KDM2B: variants seen among roughly 807,000 people sequenced by gnomAD.
KDM2B encodes lysine-specific demethylase 2B.
Under a neutral mutation model 150.0 loss-of-function variants are expected in KDM2B, and 26 were observed. The observed-to-expected ratio is 0.17, with a 90% CI of 0.13 to 0.24. KDM2B has a LOEUF of 0.24. KDM2B is among the 10% of genes least tolerant of loss of function. The pLI is 1.00. For synonymous variants in KDM2B, 734 were observed against 729.5 expected (o/e 1.01, Z -0.10); for missense variants, 1,265 against 1,816.9 (o/e 0.70, Z 5.52).
chr12:121,548,916 G>A lies in KDM2B; in HGVS notation c.644C>T (p.Thr215Met), dbSNP rs782367848. 1 of 1,614,136 alleles carries A rather than the reference G, an allele frequency of 6.2e-7. No individual in the cohort carries two copies. The change falls in exon 6 of 23, where the codon ACG (threonine) becomes ATG (methionine). Residue 215 changes from threonine (T) to methionine (M), a missense_variant. By Grantham distance (81) the Thr-to-Met change is moderately conservative (BLOSUM62 -1). This residue lies in a region of KDM2B where 214 missense variants were observed against 447.4 expected (regional missense o/e 0.48). Transcript: ENST00000377071. Reference sequence around the variant, plus strand: ...GTACTTCATCTCTGCAATGGCGTTCGTGGCTTCTGTCTGCTTCTCCTTCAG... The same window carrying A: ...GTACTTCATCTCTGCAATGGCGTTCATGGCTTCTGTCTGCTTCTCCTTCAG... ...QHLKEKQTEA[T>M]NAIAEMKYPK...
chr12:121,559,973 T>C (rs1555313598), intron 4 of KDM2B, among the ~76,000 whole-genome samples: 1 of 150,760 alleles, frequency 6.6e-6, no homozygotes, highest in African/African-American at 2.4e-5. Flanking sequence ...TCATTGAAAA[T>C]GGGTATTTAA....
At chr12:121,555,827 G>T (rs1281894687) in intron 4 of KDM2B, among the ~76,000 whole-genome samples, 1 of 152,160 alleles carries the variant, frequency 6.6e-6, no homozygotes. Context: ...CGTGAGGGTG[G>T]ATCCTTCACG....
In KDM2B at chr12:121,520,706, C is replaced by T. The variant is rs1886607144; in HGVS notation, c.1047+279G>A. On this transcript the variant is annotated intron_variant, in intron 9 of 22. Coordinates refer to ENST00000377071, the MANE Select transcript of KDM2B (RefSeq NM_032590.5). The surrounding 1 kb of genome is among the most constrained non-coding windows in gnomAD (Gnocchi z 4.5). The stretch of plus-strand genomic sequence containing the variant: ...GAAGAGGCAGGTCCCTGAAATCTCA[C>T]GGTGCTTTCTCAGAGACACTTCCTC... Among the ~76,000 whole-genome samples, 1 of 152,172 alleles carries T rather than the reference C, an allele frequency of 6.6e-6. No individual in the cohort carries two copies. The highest frequency in any genetic ancestry group is 1.9e-4 in the East Asian group (1 of 5,182).
At chr12:121,525,734 C>A (rs1159703612) in intron 8 of KDM2B, among the ~76,000 whole-genome samples, 6 of 152,152 alleles carry the variant, frequency 3.9e-5, no homozygotes, top group African/African-American at 1.4e-4. Context: ...TGAGGCCCAA[C>A]CACGTGACAC....
At chr12:121,532,722 C>T in intron 8 of KDM2B, 84 bp downstream of exon 8, 1 of 1,463,712 alleles carries the variant, frequency 6.8e-7, no homozygotes, top group South Asian at 1.2e-5. Flanking sequence ...CCCACCAGGC[C>T]CAGAGCAACC....
chr12:121,526,212 G>T (rs372845245), intron 8 of KDM2B, among the ~76,000 whole-genome samples: 12 of 152,230 alleles, frequency 7.9e-5, no homozygotes, highest in African/African-American at 2.9e-4. Context: ...AATTAGCTGG[G>T]TGTGGTGGCA....
At chr12:121,495,458 G>C (rs113933202) in intron 11 of KDM2B, among the ~76,000 whole-genome samples, 12,468 of 152,158 alleles carry the variant, frequency 0.082, 596 homozygotes, top group African/African-American at 0.11. Context: ...AACACGCCCA[G>C]CCATAATTTT....
intron 4 of KDM2B, among the ~76,000 whole-genome samples, chr12:121,556,478 G>A (rs1375429508): frequency 9.9e-5 from 15 of 152,096 alleles, no homozygotes; most frequent in Non-Finnish European, 1.9e-4. Context: ...GCTTCCTGAA[G>A]TCCTCACCAG....
At position 121,501,389 on chromosome 12, in the gene KDM2B, A is replaced by C. The variant is rs548687136; in HGVS notation, c.1648-6724T>G. 1.8e-4 allele frequency among the ~76,000 whole-genome samples: 27 copies of C among 152,236 alleles called. 1 individual carries two copies. The East Asian group carries it at 4.4e-3, about 25-fold the overall frequency. On this transcript the variant is annotated intron_variant, in intron 11 of 22. Coordinates refer to ENST00000377071, the MANE Select transcript of KDM2B (RefSeq NM_032590.5). ...CAGAGCAAGACTCTGTCTTCAAAAA[A>C]ATAAATAAAATAAATACAAAGACCA...
chr12:121,479,043 TAA>T (rs1881747311), intron 12 of KDM2B, among the ~76,000 whole-genome samples: 1 of 151,266 alleles, frequency 6.6e-6, no homozygotes, highest in African/African-American at 2.4e-5. Context: ...AGCTCAGGGG[TAA>T]AGGGAGTTCT....
intron 12 of KDM2B, among the ~76,000 whole-genome samples, chr12:121,474,133 G>A (rs1286508164): frequency 1.3e-5 from 2 of 152,186 alleles, no homozygotes; most frequent in African/African-American, 4.8e-5. Flanking sequence ...TGAGGGTGAT[G>A]AAAATATTTT....
intron 22 of KDM2B, among the ~76,000 whole-genome samples, chr12:121,438,385 G>A (rs1462899689): frequency 6.6e-6 from 1 of 152,170 alleles, no homozygotes; most frequent in Non-Finnish European, 1.5e-5. Flanking sequence ...CACACCGCAG[G>A]GGAGGGAATT....
intron 12 of KDM2B, among the ~76,000 whole-genome samples, chr12:121,458,272 A>C (rs1393374430): frequency 1.1e-4 from 17 of 152,188 alleles, no homozygotes; most frequent in Admixed American, 9.2e-4. Context: ...GCTACTCAGG[A>C]GGCTGAAGCT....
intron 8 of KDM2B, 90 bp downstream of exon 8, chr12:121,532,716 C>T: frequency 7.1e-7 from 1 of 1,398,850 alleles, no homozygotes; most frequent in Admixed American, 1.9e-5. Flanking sequence ...GTCAAACCCA[C>T]CAGGCCCAGA....
At chr12:121,422,362 T>C in the KDM2B span, among the ~76,000 whole-genome samples, 1 of 152,178 alleles carries the variant, frequency 6.6e-6, no homozygotes, top group African/African-American at 2.4e-5. Flanking sequence ...GCTCCTCTGC[T>C]TTCCTAAGTT....
At chr12:121,433,955 G>T (rs1041876798) in intron 22 of KDM2B, among the ~76,000 whole-genome samples, 3 of 151,998 alleles carry the variant, frequency 2.0e-5, no homozygotes, top group Non-Finnish European at 2.9e-5. Context: ...GAGGTGGGTG[G>T]ATCACTTGAG....
At position 121,532,974 on chromosome 12, in the gene KDM2B, C is replaced by T. The variant is rs782387697; in HGVS notation, c.778-15G>A. 6.2e-7 allele frequency: 1 copy of T among 1,613,866 alleles called. No individual in the cohort carries two copies. Among genetic ancestry groups the T allele is most frequent in the South Asian group, 1.1e-5 (1 of 91,080 alleles). On this transcript the variant is annotated splice_polypyrimidine_tract_variant and intron_variant, in intron 7 of 22. Coordinates refer to ENST00000377071, the MANE Select transcript of KDM2B (RefSeq NM_032590.5). ...AGCCAAAAAATCTTGGGAGAAAACACAGGCAGTCAGCTGGAGACCCAGGCC... is the reference window on the plus strand; with the variant it reads ...AGCCAAAAAATCTTGGGAGAAAACATAGGCAGTCAGCTGGAGACCCAGGCC...
At chr12:121,491,202 G>A (rs545163005) in intron 12 of KDM2B, among the ~76,000 whole-genome samples, 5 of 152,272 alleles carry the variant, frequency 3.3e-5, no homozygotes, top group East Asian at 1.9e-4. Context: ...GGGGTCCAAC[G>A]CCTTTCTTCT....
downstream of KDM2B, among the ~76,000 whole-genome samples, chr12:121,425,769 C>CTT (rs111588236): frequency 0.17 from 23,640 of 141,678 alleles, 2,805 homozygotes; most frequent in African/African-American, 0.33. Context: ...TTTGTCTAAA[C>CTT]TTTTTTTTTT....
Sources: gnomAD v4.1 joint callset for allele counts (sites outside exome capture counted in the v4.1 genomes callset) on GRCh38, gnomAD v4.1.1 for gene constraint, gnomAD v4.1.1 regional missense constraint, Gnocchi (gnomAD v3.1) non-coding constraint, MANE v1.5 for transcripts, NCBI Gene and HGNC (gene_info 2026-07-23, HGNC 2026-07-21) for gene names.